Variants in CHMP4B observed in about 807,000 individuals in gnomAD.
CHMP4B encodes SNF7 homolog associated with Alix 1.
A neutral mutation model predicts 25.1 loss-of-function variants in CHMP4B; 1 was observed. The ratio of observed to expected loss-of-function variants is 0.04; its 90% CI spans 0.01 to 0.19. The LOEUF (loss-of-function observed/expected upper bound fraction) is 0.19, where lower values mean the gene tolerates loss of function less well. Among genes scored for constraint, CHMP4B ranks in the 10% least tolerant of loss-of-function variants. The pLI is 1.00. For synonymous variants in CHMP4B, 101 were observed against 115.6 expected, an observed-to-expected ratio of 0.87 and a Z score of 0.81; for missense variants, 151 against 289.7, an observed-to-expected ratio of 0.52 and a Z score of 3.48.
At chr20:33,839,544 T>C (rs1411369117) in intron 1 of CHMP4B, among the ~76,000 whole-genome samples, 2 of 152,088 alleles carry the variant, frequency 1.3e-5, no homozygotes, top group Non-Finnish European at 2.9e-5. Context: ...AGAAAAAAAA[T>C]TTTTTTCCAG....
At chr20:33,852,375 A>G (rs1446668375) in intron 4 of CHMP4B, among the ~76,000 whole-genome samples, 172 bp downstream of exon 4, 1 of 151,454 alleles carries the variant, frequency 6.6e-6, no homozygotes, top group Non-Finnish European at 1.5e-5. Flanking sequence ...TAGTGGCCAC[A>G]GAGGCCATGT....
chr20:33,843,192 G>A (rs548484751), intron 1 of CHMP4B, among the ~76,000 whole-genome samples: 2 of 152,204 alleles, frequency 1.3e-5, no homozygotes, highest in Non-Finnish European at 2.9e-5. Context: ...TGAAGCAACT[G>A]TCTGGAGACC....
chr20:33,816,792 G>A (rs1568604815), intron 1 of CHMP4B, among the ~76,000 whole-genome samples: 1 of 152,160 alleles, frequency 6.6e-6, no homozygotes, highest in Non-Finnish European at 1.5e-5. Flanking sequence ...TTAGGAAATG[G>A]AGAGTGGCAT....
At position 33,853,515 on chromosome 20, in the gene CHMP4B, G is replaced by C. The variant is rs200438573; in HGVS notation, c.630G>C (p.Glu210Asp). 8 of 1,613,940 alleles carry C rather than the reference G, an allele frequency of 5.0e-6. No homozygotes were observed. The highest frequency in any genetic ancestry group is 4.5e-5 in the East Asian group (2 of 44,864). The change falls in exon 5 of 5, where the codon GAG (glutamate) becomes GAC (aspartate). Residue 210 changes from glutamate (E) to aspartate (D), a missense_variant. By Grantham distance (45) the Glu-to-Asp change is conservative. This residue lies in a region of CHMP4B where 41 missense variants were observed against 50.9 expected (regional missense o/e 0.81). Coordinates refer to ENST00000217402, the MANE Select transcript of CHMP4B (RefSeq NM_176812.5). ...PSKPAKKKEEEDDDMKELENW... is the reference protein window; with the variant it reads ...PSKPAKKKEEDDDDMKELENW... ...ACACAGCCAAGAAGAAAGAAGAGGA[G>C]GACGACGACATGAAGGAATTGGAGA... is the stretch of plus-strand genomic sequence containing the variant.
intron 1 of CHMP4B, among the ~76,000 whole-genome samples, chr20:33,829,035 C>G (rs888846945): frequency 7.2e-5 from 11 of 152,214 alleles, no homozygotes. Context: ...CCTTGTAGTA[C>G]AGGGCACAGT....
chr20:33,841,730 C>T lies in CHMP4B; in HGVS notation c.191-6737C>T, dbSNP rs149758349. Among the ~76,000 whole-genome samples, 59 of 152,136 alleles carry T rather than the reference C, an allele frequency of 3.9e-4. 2 individuals carry two copies. In the East Asian group the frequency reaches 0.011, roughly 29 times the overall value. ...TAGCACCTCTTTCCCATTCTTTTTT[C>T]CCCCCCTTCTATCTGGGGACTTAGG... On this transcript the variant is annotated intron_variant, in intron 1 of 4. Transcript: ENST00000217402.
intron 1 of CHMP4B, among the ~76,000 whole-genome samples, chr20:33,846,516 G>A (rs1015007991): frequency 6.6e-6 from 1 of 152,224 alleles, no homozygotes; most frequent in African/African-American, 2.4e-5. Flanking sequence ...CTTTATGTGT[G>A]TATGTATGTA....
chr20:33,853,492 A>G lies in CHMP4B; in HGVS notation c.611-4A>G. 8 of 1,613,542 alleles carry G rather than the reference A, an allele frequency of 5.0e-6. No homozygotes were observed. The highest frequency in any genetic ancestry group is 6.8e-6 in the Non-Finnish European group (8 of 1,179,700). ...CCTAAATAGCCTTTTCTGTCTTCAC[A>G]CAGCCAAGAAGAAAGAAGAGGAGGA... On this transcript the variant is annotated splice_polypyrimidine_tract_variant and splice_region_variant and intron_variant, in intron 4 of 4. Transcript: ENST00000217402.
intron 1 of CHMP4B, among the ~76,000 whole-genome samples, chr20:33,832,840 G>A (rs965087208): frequency 4.0e-5 from 6 of 149,360 alleles, no homozygotes; most frequent in East Asian, 2.0e-4. Flanking sequence ...GTGCATTGGC[G>A]CAATCATAGC....
At chr20:33,848,357 T>A (rs1568611629) in intron 1 of CHMP4B, 110 bp from the exon 2 acceptor site, 2 of 1,042,680 alleles carry the variant, frequency 1.9e-6, no homozygotes, top group Non-Finnish European at 2.9e-6. Context: ...TCTGCTATAG[T>A]GGAAGCAACA....
At chr20:33,824,146 G>T (rs1601318791) in intron 1 of CHMP4B, among the ~76,000 whole-genome samples, 1 of 152,142 alleles carries the variant, frequency 6.6e-6, no homozygotes, top group Non-Finnish European at 1.5e-5. Context: ...TACATAATCT[G>T]GTTTTGAAAC....
At chr20:33,841,472 G>A (rs908984694) in intron 1 of CHMP4B, among the ~76,000 whole-genome samples, 2 of 152,192 alleles carry the variant, frequency 1.3e-5, no homozygotes, top group Admixed American at 1.3e-4. Context: ...CCCTTGTCCT[G>A]CAGGTGAGCC....
At chr20:33,815,848 G>T (rs1324572654) in intron 1 of CHMP4B, among the ~76,000 whole-genome samples, 1 of 152,158 alleles carries the variant, frequency 6.6e-6, no homozygotes, top group Non-Finnish European at 1.5e-5. Flanking sequence ...ATGACTAAGG[G>T]TGTCATCATG....
chr20:33,837,013 G>A (rs1466601542), intron 1 of CHMP4B, among the ~76,000 whole-genome samples: 1 of 152,076 alleles, frequency 6.6e-6, no homozygotes, highest in East Asian at 1.9e-4. Context: ...TAATCTCTCC[G>A]GGCCTCAAAT....
chr20:33,814,456 G>T (rs926452908), intron 1 of CHMP4B, among the ~76,000 whole-genome samples: 1 of 152,122 alleles, frequency 6.6e-6, no homozygotes. Context: ...GCACCTGTTT[G>T]GGGGGAAGGA....
At chr20:33,840,106 C>T (rs767057579) in intron 1 of CHMP4B, among the ~76,000 whole-genome samples, 10 of 152,242 alleles carry the variant, frequency 6.6e-5, no homozygotes, top group African/African-American at 1.7e-4. Flanking sequence ...GATACCACTG[C>T]GTGGTGGCAG....
chr20:33,811,366 A>C lies in CHMP4B; in HGVS notation c.-103A>C. ...AGGCGGAGGAGAGGCCTGCGGCGGC[A>C]GGGAGCGGCGGGACTGGGAGCGGGC... is the stretch of plus-strand genomic sequence containing the variant. On this transcript the variant is annotated 5_prime_UTR_variant, in exon 1 of 5. Transcript: ENST00000217402. 2.0e-6 allele frequency: 2 copies of C among 1,001,012 alleles called. No homozygotes were observed. Among genetic ancestry groups the C allele is most frequent in the Non-Finnish European group, 2.6e-6 (2 of 777,860 alleles). 62.0% of individuals were successfully genotyped at this position (1,001,012 alleles called of 1,614,324 possible).
Position 33,811,394 on chromosome 20 carries a change from CG to C in CHMP4B, c.-73del, listed in dbSNP as rs1978600385. 2 of 1,234,418 alleles carry C rather than the reference CG, an allele frequency of 1.6e-6. No homozygotes were observed. Among genetic ancestry groups the C allele is most frequent in the Non-Finnish European group, 2.1e-6 (2 of 974,072 alleles). 76.5% of individuals were successfully genotyped at this position (1,234,418 alleles called of 1,614,324 possible). On this transcript the variant is annotated 5_prime_UTR_variant, in exon 1 of 5. Transcript: ENST00000217402. ...GAGCGGCGGGACTGGGAGCGGGCGC[CG>C]GAGCCGACCCGAGCCGAGCCGAGCC...
intron 1 of CHMP4B, among the ~76,000 whole-genome samples, chr20:33,845,110 C>T (rs1490388045): frequency 1.3e-5 from 2 of 152,062 alleles, no homozygotes; most frequent in Non-Finnish European, 2.9e-5. Flanking sequence ...CGTTCTGAGA[C>T]TGTGAGGAAG....
Sources: gnomAD v4.1 joint callset for allele counts (sites outside exome capture counted in the v4.1 genomes callset) on GRCh38, gnomAD v4.1.1 for gene constraint, gnomAD v4.1.1 regional missense constraint, MANE v1.5 for transcripts, NCBI Gene and HGNC (gene_info 2026-07-23, HGNC 2026-07-21) for gene names.